The following C1QL4 variants were observed in gnomAD, a reference collection of about 807,000 sequenced individuals.
The protein encoded by C1QL4 is complement C1q-like protein 4.
In C1QL4, 5 loss-of-function variants were observed where a neutral mutation model predicts 13.4. The ratio of observed to expected loss-of-function variants is 0.37; its 90% CI spans 0.19 to 0.78. The LOEUF (loss-of-function observed/expected upper bound fraction) is 0.78. C1QL4 is among the 30% of genes least tolerant of loss of function. The pLI, the probability that C1QL4 is intolerant of heterozygous loss-of-function variation, is 0.47. For synonymous variants in C1QL4, 168 were observed against 153.9 expected, an observed-to-expected ratio of 1.09 and a Z score of -0.68; for missense variants, 367 against 361.6, an observed-to-expected ratio of 1.01 and a Z score of -0.12.
intron 1 of C1QL4, among the ~76,000 whole-genome samples, chr12:49,335,094 C>G (rs1214664207): frequency 6.6e-6 from 1 of 152,274 alleles, no homozygotes; most frequent in Admixed American, 6.5e-5. Context: ...GAGCTTAGTC[C>G]TTGGGGCTAT....
At position 49,336,264 on chromosome 12, in the gene C1QL4, G is replaced by A. The variant is rs1347344054; in HGVS notation, c.214C>T (p.Pro72Ser). ...GGCCCTCTTGGACCTGGTGGTCCAG[G>A]GGGCCCCCGCAGGCCTGCTTTCCCG... ...RRGKAGLRGP[P>S]GPPGPRGPPG... The change falls in exon 1 of 2, where the codon CCT (proline) becomes TCT (serine). Residue 72 changes from proline (P) to serine (S), a missense_variant. Transcript: ENST00000334221. This position sits in a 1 kb window ranked among gnomAD's most constrained non-coding sequence, Gnocchi z 7.7. 10 of 1,435,626 alleles carry A rather than the reference G, an allele frequency of 7.0e-6. No homozygotes were observed. The highest frequency in any genetic ancestry group is 2.9e-5 in the African/African-American group (2 of 68,446). 88.9% of individuals were successfully genotyped at this position (1,435,626 alleles called of 1,614,324 possible). A position where few individuals can be genotyped will look rare whatever the true frequency, so the allele number is the denominator to read the frequency against.
chr12:49,335,665 C>T (rs1195737915), intron 1 of C1QL4, among the ~76,000 whole-genome samples: 1 of 152,314 alleles, frequency 6.6e-6, no homozygotes, highest in African/African-American at 2.4e-5. Context: ...CCCATAGTTG[C>T]AATGTGAGGT....
chr12:49,333,811 T>C (rs893565713), intron 1 of C1QL4, among the ~76,000 whole-genome samples: 1 of 151,848 alleles, frequency 6.6e-6, no homozygotes, highest in Non-Finnish European at 1.5e-5. Context: ...GTGCTGAGAT[T>C]ACAGGCGTGA....
At chr12:49,334,107 C>T (rs1028848501) in intron 1 of C1QL4, among the ~76,000 whole-genome samples, 1 of 151,960 alleles carries the variant, frequency 6.6e-6, no homozygotes, top group East Asian at 2.0e-4. Context: ...GTCGGAGAAT[C>T]GCTTGAACCC....
chr12:49,332,713 C>G lies in C1QL4; in HGVS notation c.*341G>C, dbSNP rs866740012. 3.5e-4 allele frequency: 83 copies of G among 239,788 alleles called. 1 individual carries two copies. The highest frequency in any genetic ancestry group is 1.7e-3 in the African/African-American group (76 of 44,184). The allele number at this position is 239,788 out of a possible 1,614,324, so 14.9% of individuals were successfully genotyped here. On this transcript the variant is annotated 3_prime_UTR_variant, in exon 2 of 2. Transcript: ENST00000334221. ...TTCCCTCGCAAGCTGCGGGGGCTTC[C>G]CTCCGGCTTTCTGGGCCTCTGAGTC... is the stretch of plus-strand genomic sequence containing the variant.
chr12:49,334,142 G>A (rs971771132), intron 1 of C1QL4, among the ~76,000 whole-genome samples: 14 of 152,098 alleles, frequency 9.2e-5, no homozygotes, highest in Non-Finnish European at 2.1e-4. Context: ...GCCGTGAGCC[G>A]AGATAGCGCC....
Position 49,336,588 on chromosome 12 carries a change from C to A in C1QL4, c.-111G>T. The A allele has an allele frequency of 1.6e-6, 2 of 1,263,114 alleles. No individual in the cohort carries two copies. Among genetic ancestry groups the A allele is most frequent in the Non-Finnish European group, 2.0e-6 (2 of 976,510 alleles). 78.2% of individuals were successfully genotyped at this position (1,263,114 alleles called of 1,614,324 possible). ...GGCGCAATGGCTGCCGGGGCCGGGG[C>A]TCTCCGCGGGCCAGGAGGCGGTGAC... On this transcript the variant is annotated 5_prime_UTR_variant, in exon 1 of 2. Transcript: ENST00000334221. This position sits in a 1 kb window ranked among gnomAD's most constrained non-coding sequence, Gnocchi z 7.7.
Position 49,333,216 on chromosome 12 carries a change from A to G in C1QL4, c.555T>C (p.Ile185=), listed in dbSNP as rs753895427. Residue 185 remains isoleucine (I), a synonymous_variant, in exon 2 of 2, where the codon ATT becomes ATC. Transcript: ENST00000334221. ...CGTAGTTCTGGTCCGCGTCCTGAGC[A>G]ATGGCGCTGGCCCGGACCTATCGAG... ...MKNGQVRASA[I]AQDADQNYDY... 4 of 1,613,936 alleles carry G rather than the reference A, an allele frequency of 2.5e-6. No individual in the cohort carries two copies. Among genetic ancestry groups the G allele is most frequent in the Non-Finnish European group, 3.4e-6 (4 of 1,179,914 alleles).
intron 1 of C1QL4, 115 bp from the exon 2 acceptor site, chr12:49,333,348 C>G: frequency 9.4e-7 from 1 of 1,067,422 alleles, no homozygotes; most frequent in East Asian, 2.6e-5. Flanking sequence ...CTGGGGAGGA[C>G]CAGGGAGGAG....
chr12:49,336,000 C>T lies in C1QL4; in HGVS notation c.478G>A (p.Val160Met). 6.2e-7 allele frequency: 1 copy of T among 1,610,856 alleles called. No homozygotes were observed. The highest frequency in any genetic ancestry group is 8.5e-7 in the Non-Finnish European group (1 of 1,179,444). ...MPGVYFFAYHVLMRGGDGTSM... is the reference protein window; with the variant it reads ...MPGVYFFAYHMLMRGGDGTSM... The stretch of plus-strand genomic sequence containing the variant: ...GTGCCGTCGCCGCCGCGCATGAGCA[C>T]GTGGTAAGCGAAGAAGTAGACGCCT... Residue 160 changes from valine to methionine, a missense_variant, in exon 1 of 2, where the codon GTG (valine) becomes ATG (methionine). By Grantham distance (21) the Val-to-Met change is conservative. Coordinates refer to ENST00000334221, the MANE Select transcript of C1QL4 (RefSeq NM_001008223.2).
intron 1 of C1QL4, 35 bp downstream of exon 1, chr12:49,335,906 C>A: frequency 6.4e-7 from 1 of 1,574,704 alleles, no homozygotes; most frequent in East Asian, 2.3e-5. Flanking sequence ...AGAGAGCGAC[C>A]AGTCTGAGCT....
chr12:49,333,448 A>T (rs1943607820), intron 1 of C1QL4, among the ~76,000 whole-genome samples: 2 of 151,876 alleles, frequency 1.3e-5, no homozygotes, highest in Admixed American at 1.3e-4. Flanking sequence ...CCTCGAGTTG[A>T]TTTATAAAGT....
At position 49,336,469 on chromosome 12, in the gene C1QL4, C is replaced by T. The variant is rs1238917200; in HGVS notation, c.9G>A (p.Leu3=). The change falls in exon 1 of 2, where the codon CTG becomes CTA. Residue 3 remains leucine, a synonymous_variant. Coordinates refer to ENST00000334221, the MANE Select transcript of C1QL4 (RefSeq NM_001008223.2). The surrounding 1 kb of genome is among the most constrained non-coding windows in gnomAD (Gnocchi z 7.7). MV[L]LLLVAIPLLV... is the part of the protein sequence containing the mutation. ...GCAGCGGGATGGCCACCAGCAGCAG[C>T]AGCACCATGGCCACTCCGACGGCCG... 1 of 1,541,326 alleles carries T rather than the reference C, an allele frequency of 6.5e-7. No homozygotes were observed. Among genetic ancestry groups the T allele is most frequent in the South Asian group, 1.2e-5 (1 of 84,566 alleles).
rs1943605608 is a variant in C1QL4, at chr12:49,333,223, C to T, written c.548G>A (p.Ser183Asn). ...DLMKNGQVRA[S>N]AIAQDADQNY... Reference sequence around the variant, plus strand: ...CTGGTCCGCGTCCTGAGCAATGGCGCTGGCCCGGACCTATCGAGGGAGAAG... The same window carrying T: ...CTGGTCCGCGTCCTGAGCAATGGCGTTGGCCCGGACCTATCGAGGGAGAAG... Residue 183 changes from serine (S) to asparagine (N), a missense_variant, in exon 2 of 2, where the codon AGC (serine) becomes AAC (asparagine). By Grantham distance (46) the Ser-to-Asn change is conservative. Coordinates refer to ENST00000334221, the MANE Select transcript of C1QL4 (RefSeq NM_001008223.2). The T allele has an allele frequency of 1.2e-6, 2 of 1,613,668 alleles. No individual in the cohort carries two copies. Among genetic ancestry groups the T allele is most frequent in the African/African-American group, 2.7e-5 (2 of 74,920 alleles).
intron 1 of C1QL4, among the ~76,000 whole-genome samples, chr12:49,334,086 G>C (rs1010613792): frequency 1.3e-5 from 2 of 151,864 alleles, no homozygotes; most frequent in Non-Finnish European, 2.9e-5. Context: ...CCAGCTACCC[G>C]GGAGGCCGAG....
At chr12:49,335,517 A>G (rs563786552) in intron 1 of C1QL4, among the ~76,000 whole-genome samples, 3 of 152,374 alleles carry the variant, frequency 2.0e-5, no homozygotes, top group East Asian at 3.9e-4. Context: ...GAAGGAGCCT[A>G]GACTCCAGTT....
At chr12:49,334,107 C>A (rs1028848501) in intron 1 of C1QL4, among the ~76,000 whole-genome samples, 3 of 151,960 alleles carry the variant, frequency 2.0e-5, no homozygotes, top group Admixed American at 2.0e-4. Context: ...GTCGGAGAAT[C>A]GCTTGAACCC....
intron 1 of C1QL4, among the ~76,000 whole-genome samples, chr12:49,335,605 G>T (rs776383895): frequency 6.6e-6 from 1 of 152,180 alleles, no homozygotes. Flanking sequence ...AAGACAGGAC[G>T]AGAAAAGAAG....
rs772421360 is a variant in C1QL4, at chr12:49,333,081, G to A, written c.690C>T (p.Phe230=). Reference sequence around the variant, plus strand: ...AGTCGGGGTAGATGATGAAGCCGGAGAAGGTGCTGTACTTGTTGGTGTTGC... The same window carrying A: ...AGTCGGGGTAGATGATGAAGCCGGAAAAGGTGCTGTACTTGTTGGTGTTGC... ...HGGNTNKYST[F]SGFIIYPD The change falls in exon 2 of 2, where the codon TTC becomes TTT. Residue 230 remains phenylalanine, a synonymous_variant. Transcript: ENST00000334221. The A allele has an allele frequency of 6.2e-7, 1 of 1,613,940 alleles. No individual in the cohort carries two copies. The highest frequency in any genetic ancestry group is 2.2e-5 in the East Asian group (1 of 44,858).
Sources: gnomAD v4.1 joint callset for allele counts (sites outside exome capture counted in the v4.1 genomes callset) on GRCh38, gnomAD v4.1.1 for gene constraint, Gnocchi (gnomAD v3.1) non-coding constraint, MANE v1.5 for transcripts, NCBI Gene and HGNC (gene_info 2026-07-23, HGNC 2026-07-21) for gene names.